The following SUSD4 variants were observed in gnomAD, a reference collection of about 807,000 sequenced individuals.
SUSD4 encodes sushi domain containing 4.
SUSD4 carries 41 observed loss-of-function variants against 50.5 expected under a neutral mutation model. The ratio of observed to expected loss-of-function variants is 0.81; its 90% CI spans 0.63 to 1.05. SUSD4 has a LOEUF of 1.05. Ranked by LOEUF, SUSD4 falls within the 50% of genes least tolerant of loss-of-function variation. The pLI is 0.00. For missense variants in SUSD4, 580 were observed against 634.7 expected (o/e 0.91, Z 0.93); for synonymous variants, 257 against 257.3 (o/e 1.00, Z 0.01).
At chr1:223,272,510 G>A (rs1662987421) in intron 3 of SUSD4, among the ~76,000 whole-genome samples, 1 of 152,172 alleles carries the variant, frequency 6.6e-6, no homozygotes, top group Admixed American at 6.5e-5. Context: ...AAGGGATGGA[G>A]CAGAAATAGT....
chr1:223,229,889 G>A lies in SUSD4; in HGVS notation c.725-501C>T, dbSNP rs1414310835. ...GCTCTGCTGAGGCTTAGCCAATGAC[G>A]AACATGGAGCAGTTCTTCTAGCTCT... On this transcript the variant is annotated intron_variant, in intron 5 of 8. Transcript: ENST00000366878. The surrounding 1 kb of genome is among the most constrained non-coding windows in gnomAD (Gnocchi z 4.7). Among the ~76,000 whole-genome samples, 8 of 152,142 alleles carry A rather than the reference G, an allele frequency of 5.3e-5. No individual in the cohort carries two copies. The highest frequency in any genetic ancestry group is 1.5e-5 in the Non-Finnish European group (1 of 68,026).
intron 5 of SUSD4, among the ~76,000 whole-genome samples, chr1:223,254,836 T>G: frequency 6.6e-6 from 1 of 152,224 alleles, no homozygotes; most frequent in East Asian, 1.9e-4. Context: ...ACAGTGATCC[T>G]TGAGAATGCT....
chr1:223,286,405 G>A (rs776138684), intron 3 of SUSD4, among the ~76,000 whole-genome samples: 15 of 152,228 alleles, frequency 9.9e-5, no homozygotes, highest in South Asian at 6.2e-4. Flanking sequence ...GCGAGCCACC[G>A]CACCTGGCCA....
intron 3 of SUSD4, among the ~76,000 whole-genome samples, chr1:223,282,578 C>T (rs554279864): frequency 3.3e-5 from 5 of 151,960 alleles, no homozygotes; most frequent in South Asian, 2.1e-4. Context: ...CACTGCTCAA[C>T]GAAATAAAAG....
chr1:223,349,688 T>G (rs990412586), intron 2 of SUSD4, among the ~76,000 whole-genome samples: 1 of 152,208 alleles, frequency 6.6e-6, no homozygotes, highest in Non-Finnish European at 1.5e-5. Context: ...TTTGCTCATG[T>G]TCTTTCCCCC....
chr1:223,323,045 C>T (rs1474510179), intron 2 of SUSD4, among the ~76,000 whole-genome samples: 1 of 152,190 alleles, frequency 6.6e-6, no homozygotes, highest in Non-Finnish European at 1.5e-5. Flanking sequence ...CTTCCAGTTT[C>T]GCCTTTAGGT....
chr1:223,325,759 AT>A (rs941415443), intron 2 of SUSD4, among the ~76,000 whole-genome samples: 2 of 152,062 alleles, frequency 1.3e-5, no homozygotes, highest in African/African-American at 2.4e-5. Context: ...CAAGAACTCA[AT>A]TTTTTTTACA....
At chr1:223,226,736 G>T (rs1659544799) in intron 7 of SUSD4, among the ~76,000 whole-genome samples, 1 of 152,206 alleles carries the variant, frequency 6.6e-6, no homozygotes. Flanking sequence ...GAAGCATTAG[G>T]TTCTGAAATG....
In SUSD4 at chr1:223,363,254, T is replaced by TC. The variant is rs745963562; in HGVS notation, c.148+23dup. ...TCCCCTCTGGGCCATCCCCAGGCCC[T>TC]CCCACCACAGCTGGGTCACTCACCG... On this transcript the variant is annotated intron_variant, in intron 2 of 8. Coordinates refer to ENST00000366878, the MANE Select transcript of SUSD4 (RefSeq NM_017982.4). 1.5e-5 allele frequency: 23 copies of TC among 1,547,714 alleles called. No homozygotes were observed. In the East Asian group the frequency reaches 5.3e-4, roughly 36 times the overall value.
At chr1:223,324,420 C>G (rs1219116063) in intron 2 of SUSD4, among the ~76,000 whole-genome samples, 1 of 151,372 alleles carries the variant, frequency 6.6e-6, no homozygotes, top group African/African-American at 2.4e-5. Flanking sequence ...CCCAAGACAC[C>G]AATATTTAAG....
chr1:223,362,323 A>G (rs1669031925), intron 2 of SUSD4, among the ~76,000 whole-genome samples: 1 of 152,200 alleles, frequency 6.6e-6, no homozygotes, highest in Admixed American at 6.5e-5. Context: ...GTTTATTTAC[A>G]TCAGTCAATA....
At chr1:223,330,493 T>C (rs1667114585) in intron 2 of SUSD4, among the ~76,000 whole-genome samples, 2 of 152,184 alleles carry the variant, frequency 1.3e-5, no homozygotes. Context: ...AGTAAGAAGA[T>C]TCAGAAAACA....
In SUSD4 at chr1:223,270,638, C is replaced by T. The variant is rs568062498; in HGVS notation, c.362-1963G>A. 2.3e-3 allele frequency among the ~76,000 whole-genome samples: 345 copies of T among 152,202 alleles called. 1 individual carries two copies. Among genetic ancestry groups the T allele is most frequent in the African/African-American group, 7.8e-3 (325 of 41,536 alleles). On this transcript the variant is annotated intron_variant, in intron 3 of 8. Coordinates refer to ENST00000366878, the MANE Select transcript of SUSD4 (RefSeq NM_017982.4). ...AGGCTGGAGTGCAGTGGCATAATCT[C>T]AGCTCACTGCAACCTCCACCTCGCA...
At chr1:223,356,876 A>G (rs977587155) in intron 2 of SUSD4, among the ~76,000 whole-genome samples, 1 of 152,260 alleles carries the variant, frequency 6.6e-6, no homozygotes, top group African/African-American at 2.4e-5. Context: ...TAGGTTGTTA[A>G]GAAAATTAAA....
At chr1:223,315,040 T>C (rs1427159035) in intron 2 of SUSD4, among the ~76,000 whole-genome samples, 1 of 152,222 alleles carries the variant, frequency 6.6e-6, no homozygotes, top group East Asian at 1.9e-4. Flanking sequence ...TTTTCTATAC[T>C]AGAGTTCTAT....
intron 3 of SUSD4, among the ~76,000 whole-genome samples, chr1:223,281,743 C>G (rs1443857446): frequency 6.6e-6 from 1 of 152,130 alleles, no homozygotes; most frequent in African/African-American, 2.4e-5. Context: ...TTTTATGAGG[C>G]CAGCATCATC....
intron 5 of SUSD4, among the ~76,000 whole-genome samples, chr1:223,250,023 G>A (rs921718487): frequency 6.6e-6 from 1 of 152,226 alleles, no homozygotes; most frequent in Non-Finnish European, 1.5e-5. Context: ...TGCCTCTAGT[G>A]CAAAGGTGCA....
At chr1:223,291,429 C>T (rs950225703) in intron 3 of SUSD4, among the ~76,000 whole-genome samples, 1 of 128,318 alleles carries the variant, frequency 7.8e-6, no homozygotes, top group African/African-American at 3.1e-5. Context: ...GTGGAGGTTG[C>T]AGTGAGCCAA....
intron 2 of SUSD4, among the ~76,000 whole-genome samples, chr1:223,301,393 C>T (rs529850047): frequency 6.6e-6 from 1 of 152,186 alleles, no homozygotes; most frequent in Non-Finnish European, 1.5e-5. Context: ...TACCACATTC[C>T]TGGGGATGAA....
Sources: allele counts gnomAD v4.1 joint callset (sites outside exome capture counted in the v4.1 genomes callset), GRCh38; gene constraint gnomAD v4.1.1; non-coding constraint Gnocchi (gnomAD v3.1); transcripts MANE v1.5; gene names NCBI Gene and HGNC (gene_info 2026-07-23, HGNC 2026-07-21).